IMMP2L: variants seen among roughly 807,000 people sequenced by gnomAD.
IMMP2L encodes the protein inner mitochondrial membrane peptidase subunit 2, also known as mitochondrial inner membrane protease subunit 2.
A neutral mutation model predicts 19.3 loss-of-function variants in IMMP2L; 18 were observed. The observed-to-expected ratio is 0.93, with a 90% CI of 0.64 to 1.38. The LOEUF (loss-of-function observed/expected upper bound fraction) is 1.38, where lower values mean the gene tolerates loss of function less well. Among genes scored for constraint, IMMP2L ranks in the 40% most tolerant of loss-of-function variants. The pLI, the probability that IMMP2L is intolerant of heterozygous loss-of-function variation, is 0.00. For synonymous variants in IMMP2L, 76 were observed against 73.0 expected, an observed-to-expected ratio of 1.04 and a Z score of -0.21; for missense variants, 233 against 218.2, an observed-to-expected ratio of 1.07 and a Z score of -0.43.
chr7:111,454,399 T>G (rs1350183406), intron 3 of IMMP2L, among the ~76,000 whole-genome samples: 1 of 152,178 alleles, frequency 6.6e-6, no homozygotes, highest in Non-Finnish European at 1.5e-5. Context: ...ATCATAGCTT[T>G]GATTCTGCTC....
chr7:111,379,557 C>T (rs553655858), intron 3 of IMMP2L, among the ~76,000 whole-genome samples: 1 of 151,650 alleles, frequency 6.6e-6, no homozygotes, highest in Non-Finnish European at 1.5e-5. Context: ...AATCATAATT[C>T]CCTTATCAAG....
intron 4 of IMMP2L, among the ~76,000 whole-genome samples, chr7:110,940,360 A>G (rs985276735): frequency 2.6e-5 from 4 of 152,096 alleles, no homozygotes; most frequent in Admixed American, 6.6e-5. Flanking sequence ...ATATAACAAC[A>G]TAGACAAATA....
chr7:111,450,723 C>G (rs1177391862), intron 3 of IMMP2L, among the ~76,000 whole-genome samples: 1 of 151,030 alleles, frequency 6.6e-6, no homozygotes, highest in Non-Finnish European at 1.5e-5. Context: ...TCTAATTAAA[C>G]TAAAGAGCTT....
intron 3 of IMMP2L, among the ~76,000 whole-genome samples, chr7:111,369,262 T>C (rs1486238819): frequency 1.3e-5 from 2 of 151,956 alleles, no homozygotes; most frequent in Non-Finnish European, 2.9e-5. Flanking sequence ...TAGCATTACG[T>C]TTGTAAGATC....
intron 5 of IMMP2L, among the ~76,000 whole-genome samples, chr7:110,682,869 G>C (rs998240073): frequency 1.3e-5 from 2 of 152,100 alleles, no homozygotes; most frequent in Non-Finnish European, 2.9e-5. Context: ...CAGATACCTG[G>C]GGGAACACAG....
At chr7:110,900,291 T>C (rs1811726071) in intron 4 of IMMP2L, among the ~76,000 whole-genome samples, 1 of 152,158 alleles carries the variant, frequency 6.6e-6, no homozygotes, top group African/African-American at 2.4e-5. Flanking sequence ...TAAATGTAAA[T>C]TGTTAAATGA....
chr7:110,869,026 A>T (rs1233380844), intron 5 of IMMP2L, among the ~76,000 whole-genome samples: 3 of 152,046 alleles, frequency 2.0e-5, no homozygotes, highest in African/African-American at 7.2e-5. Context: ...TCTCTAGAGA[A>T]TGCTATCACT....
chr7:110,880,078 A>C (rs1198753946), intron 5 of IMMP2L, among the ~76,000 whole-genome samples: 3 of 152,122 alleles, frequency 2.0e-5, no homozygotes, highest in African/African-American at 7.2e-5. Context: ...AATAGAATAC[A>C]CATTATGGCT....
intron 3 of IMMP2L, among the ~76,000 whole-genome samples, chr7:111,001,470 A>G (rs1823683287): frequency 6.6e-6 from 1 of 152,178 alleles, no homozygotes; most frequent in African/African-American, 2.4e-5. Flanking sequence ...AGTTTTAAAG[A>G]TATTTTTAAA....
intron 3 of IMMP2L, among the ~76,000 whole-genome samples, chr7:111,173,809 A>G (rs2189323): frequency 0.75 from 113,440 of 151,456 alleles, 45,210 homozygotes; most frequent in Non-Finnish European, 0.87. Context: ...GAAAATGTAG[A>G]TAAAATATGA....
intron 2 of IMMP2L, among the ~76,000 whole-genome samples, chr7:111,503,510 A>T (rs1307121259): frequency 1.3e-5 from 2 of 152,144 alleles, no homozygotes; most frequent in Non-Finnish European, 2.9e-5. Context: ...TGGCAGAGAC[A>T]CAACAAAAAA....
At chr7:110,876,916 G>A (rs924693655) in intron 5 of IMMP2L, among the ~76,000 whole-genome samples, 24 of 151,980 alleles carry the variant, frequency 1.6e-4, no homozygotes, top group African/African-American at 5.8e-4. Flanking sequence ...CCTATTAACA[G>A]CCAGACATAA....
chr7:111,560,235 CT>C (rs142780855), intron 1 of IMMP2L, among the ~76,000 whole-genome samples: 2,271 of 151,824 alleles, frequency 0.015, 49 homozygotes, highest in African/African-American at 0.052. Flanking sequence ...TTCTAAATAA[CT>C]TTTTTTTGAC....
chr7:111,070,145 T>C (rs1279233626), intron 3 of IMMP2L, among the ~76,000 whole-genome samples: 1 of 152,054 alleles, frequency 6.6e-6, no homozygotes, highest in East Asian at 1.9e-4. Context: ...AAAAAAAATA[T>C]GTAAAGCGTA....
At chr7:110,747,337 A>G (rs1465664693) in intron 5 of IMMP2L, among the ~76,000 whole-genome samples, 1 of 152,186 alleles carries the variant, frequency 6.6e-6, no homozygotes, top group African/African-American at 2.4e-5. Context: ...AGGAGCTGGT[A>G]CCATTCCTCC....
intron 5 of IMMP2L, among the ~76,000 whole-genome samples, chr7:110,768,997 A>T (rs1176881784): frequency 1.3e-5 from 2 of 152,182 alleles, no homozygotes; most frequent in Non-Finnish European, 2.9e-5. Context: ...AGGTGTGCTT[A>T]AATTTTTTGT....
chr7:110,888,028 T>C (rs573310834), intron 4 of IMMP2L, among the ~76,000 whole-genome samples: 22 of 152,292 alleles, frequency 1.4e-4, no homozygotes, highest in Non-Finnish European at 2.2e-4. Context: ...GGATGGTTTT[T>C]AATTTTCAAG....
chr7:110,855,129 C>G lies in IMMP2L; in HGVS notation c.408+31464G>C, dbSNP rs374862917. ...ATGCACCAAAAAGACAGACCCAGGG[C>G]TGTGAAGAATCAAGGGAAAAGAAAA... On this transcript the variant is annotated intron_variant, in intron 5 of 5. Transcript: ENST00000405709. Among the ~76,000 whole-genome samples, 16 of 151,856 alleles carry G rather than the reference C, an allele frequency of 1.1e-4. No individual in the cohort carries two copies. In the East Asian group the frequency reaches 2.1e-3, roughly 20 times the overall value.
rs1563330276 is a variant in IMMP2L at position 111,539,180 on chromosome 7, GAAGGAAGGAAGGAGGGAGAAAGAAAGAA to G, written c.-2-17759_-2-17732del. 3.8e-4 allele frequency among the ~76,000 whole-genome samples: 26 copies of G among 68,238 alleles called. 2 individuals are homozygous for G. The highest frequency in any genetic ancestry group is 2.1e-3 in the South Asian group (4 of 1,926). The allele number at this position is 68,238 out of a possible 152,430, so 44.8% of individuals were successfully genotyped here. A position where few individuals can be genotyped will look rare whatever the true frequency, so the allele number is the denominator to read the frequency against. On this transcript the variant is annotated intron_variant, in intron 1 of 5. Coordinates refer to ENST00000405709, the MANE Select transcript of IMMP2L (RefSeq NM_032549.4). ...GGAAGGAAGGAAGGAAGGAAGGAAGGAAGGAAGGAAGGAGGGAGAAAGAAAGAAAGAAAGAAAGAAAGAAAGAAAGAAA... is the reference window on the plus strand; with the variant it reads ...GGAAGGAAGGAAGGAAGGAAGGAAGGAGAAAGAAAGAAAGAAAGAAAGAAA...
Sources: allele counts gnomAD v4.1 joint callset (sites outside exome capture counted in the v4.1 genomes callset), GRCh38; gene constraint gnomAD v4.1.1; transcripts MANE v1.5; gene names NCBI Gene and HGNC (gene_info 2026-07-23, HGNC 2026-07-21).